FRY: variants seen among roughly 807,000 people sequenced by gnomAD.
FRY encodes the protein FRY microtubule binding protein.
In FRY, 128 loss-of-function variants were observed where a neutral mutation model predicts 348.4. That is an observed-to-expected ratio of 0.37 (90% CI 0.32 to 0.43). The LOEUF (loss-of-function observed/expected upper bound fraction) is 0.43, where lower values mean the gene tolerates loss of function less well. Ranked by LOEUF, FRY falls within the 20% of genes least tolerant of loss-of-function variation. The pLI, the probability that FRY is intolerant of heterozygous loss-of-function variation, is 1.00. For synonymous variants in FRY, 1,370 were observed against 1,374.7 expected, an observed-to-expected ratio of 1.00 and a Z score of 0.08; for missense variants, 2,736 against 3,695.2, an observed-to-expected ratio of 0.74 and a Z score of 6.73.
At chr13:32,107,351 A>G (rs1269709727) in intron 3 of FRY, among the ~76,000 whole-genome samples, 1 of 152,216 alleles carries the variant, frequency 6.6e-6, no homozygotes, top group Admixed American at 6.5e-5. Flanking sequence ...TCTCAAAAAT[A>G]AAAAATAAAA....
Position 32,282,548 on chromosome 13 carries a change from T to C in FRY, c.8469+4000T>C, listed in dbSNP as rs567851125. Among the ~76,000 whole-genome samples the C allele has an allele frequency of 2.2e-4, 34 of 152,320 alleles. 1 individual carries two copies. The South Asian group carries it at 6.4e-3, about 29-fold the overall frequency. ...GTACAGACAGGCATATGAAAGCTTC[T>C]CAACCCCCAAGCCCTACCCAGTCTG... On this transcript the variant is annotated intron_variant, in intron 58 of 60. Transcript: ENST00000542859.
At chr13:32,250,213 A>G (rs1229943951) in intron 49 of FRY, among the ~76,000 whole-genome samples, 1 of 152,230 alleles carries the variant, frequency 6.6e-6, no homozygotes, top group African/African-American at 2.4e-5. Flanking sequence ...TCATCACAGC[A>G]TAGCAGAGAT....
intron 52 of FRY, 119 bp downstream of exon 52, chr13:32,261,935 A>G (rs1887669731): frequency 3.2e-6 from 3 of 938,248 alleles, no homozygotes; most frequent in African/African-American, 1.6e-5. Context: ...TAAAATCGGA[A>G]CTGTCAGGTG....
chr13:32,061,156 A>C (rs1358543715), intron 1 of FRY: 1 of 533,288 alleles, frequency 1.9e-6, no homozygotes, highest in Non-Finnish European at 3.8e-6. Flanking sequence ...GCTTCATAAA[A>C]GGGCTTGGTA....
intron 34 of FRY, among the ~76,000 whole-genome samples, chr13:32,211,682 C>T (rs926133503): frequency 6.6e-6 from 1 of 152,024 alleles, no homozygotes; most frequent in Non-Finnish European, 1.5e-5. Context: ...GATTAAAATT[C>T]CCCCCAAAAG....
chr13:32,190,799 C>T (rs1380301416), intron 28 of FRY, among the ~76,000 whole-genome samples: 3 of 152,138 alleles, frequency 2.0e-5, no homozygotes, highest in Non-Finnish European at 2.9e-5. Flanking sequence ...AAAATCCGGG[C>T]AGGATATTTG....
chr13:32,226,929 C>A (rs1406200663), intron 39 of FRY, among the ~76,000 whole-genome samples: 2 of 152,178 alleles, frequency 1.3e-5, no homozygotes, highest in Non-Finnish European at 2.9e-5. Flanking sequence ...CTATCAATAG[C>A]CTCTTAGAAA....
intron 10 of FRY, among the ~76,000 whole-genome samples, 198 bp from the exon 11 acceptor site, chr13:32,136,672 TC>T (rs1459836334): frequency 6.6e-6 from 1 of 152,222 alleles, no homozygotes; most frequent in Non-Finnish European, 1.5e-5. Flanking sequence ...GGTTATTCCA[TC>T]CCCAGCATTA....
intron 55 of FRY, among the ~76,000 whole-genome samples, chr13:32,272,350 G>A (rs370053643): frequency 6.6e-6 from 1 of 152,186 alleles, no homozygotes; most frequent in Admixed American, 6.5e-5. Context: ...GTTTCTGTCG[G>A]TACAGTATGG....
chr13:32,126,655 A>C (rs1879039832), intron 7 of FRY, among the ~76,000 whole-genome samples: 1 of 152,218 alleles, frequency 6.6e-6, no homozygotes, highest in African/African-American at 2.4e-5. Flanking sequence ...TGTGTTCTCA[A>C]CTAGTCTATA....
chr13:32,114,700 T>C (rs1380211023), intron 3 of FRY, among the ~76,000 whole-genome samples: 1 of 152,258 alleles, frequency 6.6e-6, no homozygotes, highest in Non-Finnish European at 1.5e-5. Flanking sequence ...CTCTGAATTC[T>C]GATCCCTTTT....
At chr13:32,099,409 G>A (rs1566070275) in intron 2 of FRY, among the ~76,000 whole-genome samples, 1 of 151,830 alleles carries the variant, frequency 6.6e-6, no homozygotes, top group East Asian at 1.9e-4. Flanking sequence ...TGCTCTGCTG[G>A]AGGCTTAAAA....
intron 11 of FRY, among the ~76,000 whole-genome samples, chr13:32,138,557 A>G (rs768727184): frequency 1.3e-5 from 2 of 152,322 alleles, no homozygotes; most frequent in African/African-American, 4.8e-5. Context: ...TGAGGGTTAT[A>G]TACAACCCCA....
intron 49 of FRY, among the ~76,000 whole-genome samples, chr13:32,250,221 G>A (rs1346749700): frequency 6.6e-6 from 1 of 152,254 alleles, no homozygotes; most frequent in African/African-American, 2.4e-5. Flanking sequence ...GCATAGCAGA[G>A]ATGCCATTGG....
Position 32,231,097 on chromosome 13 carries a change from G to A in FRY, c.5406-82G>A, listed in dbSNP as rs1017945304. The A allele has an allele frequency of 2.5e-6, 3 of 1,203,356 alleles. No individual in the cohort carries two copies. In the African/African-American group the frequency reaches 4.5e-5, roughly 18 times the overall value. 74.5% of individuals were successfully genotyped at this position (1,203,356 alleles called of 1,614,324 possible). On this transcript the variant is annotated intron_variant, in intron 40 of 60. Coordinates refer to ENST00000542859, the MANE Select transcript of FRY (RefSeq NM_023037.3). ...TGCAAAAAATTTAAATATGTTATAT[G>A]TTTGGAGTCAGGACTGTATGTGTAG...
chr13:32,124,395 G>T lies in FRY; in HGVS notation c.555+19G>T, dbSNP rs745732355. 1.8e-5 allele frequency: 23 copies of T among 1,297,232 alleles called. No individual in the cohort carries two copies. In the African/African-American group the frequency reaches 2.5e-4, roughly 14 times the overall value. 80.4% of individuals were successfully genotyped at this position (1,297,232 alleles called of 1,614,324 possible). ...GAAACAGGTAGGTGATTAATTTATT[G>T]TTACTTTTAGATAATATTTATTGAT... is the stretch of plus-strand genomic sequence containing the variant. On this transcript the variant is annotated intron_variant, in intron 5 of 60. Coordinates refer to ENST00000542859, the MANE Select transcript of FRY (RefSeq NM_023037.3).
chr13:32,146,639 A>G (rs1187629433), intron 11 of FRY, among the ~76,000 whole-genome samples: 3 of 152,106 alleles, frequency 2.0e-5, no homozygotes. Flanking sequence ...TTTTATCTGC[A>G]CCTGGAATCC....
intron 29 of FRY, among the ~76,000 whole-genome samples, chr13:32,197,074 C>G (rs571397211): frequency 6.6e-6 from 1 of 152,280 alleles, no homozygotes; most frequent in East Asian, 1.9e-4. Context: ...TAATTAAATA[C>G]TTAAGAATTT....
intron 26 of FRY, among the ~76,000 whole-genome samples, chr13:32,185,860 C>T (rs115282494): frequency 4.9e-4 from 75 of 152,274 alleles, no homozygotes; most frequent in African/African-American, 1.8e-3. Flanking sequence ...TCAGTTAAAG[C>T]GAAGTACCTA....
Sources: allele counts gnomAD v4.1 joint callset (sites outside exome capture counted in the v4.1 genomes callset), GRCh38; gene constraint gnomAD v4.1.1; transcripts MANE v1.5; gene names NCBI Gene and HGNC (gene_info 2026-07-23, HGNC 2026-07-21).